The following ADGRE1 variants were observed in gnomAD, a reference collection of about 807,000 sequenced individuals.
ADGRE1 encodes EGF-like module receptor 1.
In ADGRE1, 82 loss-of-function variants were observed where a neutral mutation model predicts 102.7. The ratio of observed to expected loss-of-function variants is 0.80; its 90% CI spans 0.67 to 0.96. The LOEUF is 0.96. ADGRE1 is among the 40% of genes least tolerant of loss of function. The probability of loss-of-function intolerance (pLI) is 0.00; values close to 1 mark genes in which losing one functional copy is unlikely to be tolerated. For synonymous variants in ADGRE1, 398 were observed against 399.6 expected, an observed-to-expected ratio of 1.00 and a Z score of 0.05; for missense variants, 1,032 against 1,085.3, an observed-to-expected ratio of 0.95 and a Z score of 0.69.
At position 6,904,051 on chromosome 19, in the gene ADGRE1, G is replaced by A. The variant is rs528274667; in HGVS notation, c.818G>A (p.Arg273His). The A allele has an allele frequency of 2.1e-4, 345 of 1,614,094 alleles. 3 individuals carry two copies. In the South Asian group the frequency reaches 2.5e-3, roughly 12 times the overall value. Reference protein sequence around the residue: ...GVECRDIDECRQDPSTCGPNS... With the variant: ...GVECRDIDECHQDPSTCGPNS... ...TTCTTTGCAGATATTGATGAGTGCC[G>A]CCAAGATCCATCAACCTGTGGTCCT... The change falls in exon 8 of 21, where the codon CGC (arginine) becomes CAC (histidine). Residue 273 changes from arginine (R) to histidine (H), a missense_variant. Arg to His is a conservative substitution (Grantham distance 29). Transcript: ENST00000312053.
In ADGRE1 at chr19:6,919,705, C is replaced by G. The variant is rs370243250; in HGVS notation, c.1578C>G (p.Asp526Glu). The change falls in exon 13 of 21, where the codon GAC (aspartate) becomes GAG (glutamate). Residue 526 changes from aspartate to glutamate, a missense_variant. Coordinates refer to ENST00000312053, the MANE Select transcript of ADGRE1 (RefSeq NM_001974.5). Reference sequence around the variant, plus strand: ...GCATAATGACTGGAGAGAAGAAAGACGGCTTCTCAGATCCAATCATCTACA... The same window carrying G: ...GCATAATGACTGGAGAGAAGAAAGAGGGCTTCTCAGATCCAATCATCTACA... Reference protein sequence around the residue: ...VGGIMTGEKKDGFSDPIIYTL... With the variant: ...VGGIMTGEKKEGFSDPIIYTL... The G allele has an allele frequency of 6.2e-7, 1 of 1,613,134 alleles. No individual in the cohort carries two copies.
At chr19:6,933,059 G>A (rs12975708) in intron 17 of ADGRE1, among the ~76,000 whole-genome samples, 79,419 of 151,552 alleles carry the variant, frequency 0.52, 22,705 homozygotes, top group African/African-American at 0.75. Context: ...CATCTCTACT[G>A]AAAATACAAA....
At chr19:6,922,922 A>G (rs1227322325) in intron 14 of ADGRE1, among the ~76,000 whole-genome samples, 1 of 151,514 alleles carries the variant, frequency 6.6e-6, no homozygotes. Context: ...CTAAAAATAC[A>G]AAAAATTAGC....
At chr19:6,913,955 AC>A in intron 11 of ADGRE1, 125 bp downstream of exon 11, 1 of 1,089,290 alleles carries the variant, frequency 9.2e-7, no homozygotes, top group South Asian at 1.8e-5. Flanking sequence ...CTTTGAATTC[AC>A]AGCAAAGCAA....
rs376188086 is a variant in ADGRE1, at chr19:6,891,563, C to T, written c.94+1020C>T. ...CCGCCTTCCAGGTTCACGCCATTCT[C>T]CTGCCTCAGCCTCCCGAGTAGCTGG... On this transcript the variant is annotated intron_variant, in intron 2 of 20. Transcript: ENST00000312053. Among the ~76,000 whole-genome samples, 10 of 151,756 alleles carry T rather than the reference C, an allele frequency of 6.6e-5. No homozygotes were observed. The East Asian group carries it at 1.9e-3, about 29-fold the overall frequency.
At chr19:6,905,558 G>C (rs978526078) in intron 8 of ADGRE1, among the ~76,000 whole-genome samples, 20 of 151,732 alleles carry the variant, frequency 1.3e-4, no homozygotes, top group Admixed American at 1.0e-3. Flanking sequence ...TCACCATGTT[G>C]GCCAAGCTGT....
intron 17 of ADGRE1, among the ~76,000 whole-genome samples, chr19:6,929,029 T>C (rs1277090358): frequency 1.3e-5 from 2 of 152,204 alleles, no homozygotes; most frequent in Non-Finnish European, 2.9e-5. Context: ...GGAATTTTGT[T>C]TTTCCTTCTG....
intron 17 of ADGRE1, among the ~76,000 whole-genome samples, chr19:6,930,435 A>G (rs1809199017): frequency 6.6e-6 from 1 of 151,830 alleles, no homozygotes; most frequent in Admixed American, 6.6e-5. Context: ...TCGAGGATTA[A>G]ATTTTTTTTT....
chr19:6,904,139 C>T lies in ADGRE1; in HGVS notation c.906C>T (p.Pro302=), dbSNP rs1462329545. The change falls in exon 8 of 21, where the codon CCC becomes CCT. Residue 302 remains proline, a synonymous_variant. Transcript: ENST00000312053. ...YSCGCIAGFH[P]NPEGSQKDGN... ...GTGGCTGCATTGCAGGCTTTCATCC[C>T]AATCCAGAAGGCTCCCAGAAAGATG... 3.7e-6 allele frequency: 6 copies of T among 1,614,190 alleles called. No individual in the cohort carries two copies. Among genetic ancestry groups the T allele is most frequent in the Non-Finnish European group, 5.1e-6 (6 of 1,180,038 alleles).
intron 12 of ADGRE1, among the ~76,000 whole-genome samples, chr19:6,918,562 A>T (rs943451195): frequency 6.6e-6 from 1 of 152,178 alleles, no homozygotes; most frequent in Non-Finnish European, 1.5e-5. Flanking sequence ...CATAGGACGT[A>T]TCCCTGGAGA....
chr19:6,924,256 C>T (rs1460778859), intron 14 of ADGRE1, among the ~76,000 whole-genome samples: 4 of 152,030 alleles, frequency 2.6e-5, no homozygotes, highest in Admixed American at 2.6e-4. Context: ...TTTGCCACCC[C>T]ACTCCACCAT....
intron 2 of ADGRE1, chr19:6,895,619 C>T (rs960609663): frequency 6.6e-6 from 1 of 152,094 alleles, no homozygotes; most frequent in Non-Finnish European, 1.5e-5. Context: ...CCTGATTTTC[C>T]AAGATGTTCT....
chr19:6,909,722 GTTTGT>G (rs1408186268), intron 10 of ADGRE1, among the ~76,000 whole-genome samples: 1 of 151,738 alleles, frequency 6.6e-6, no homozygotes, highest in Non-Finnish European at 1.5e-5. Flanking sequence ...TTTTTTGTTT[GTTTGT>G]TTTGTTTTGT....
At chr19:6,929,418 C>G (rs1024375808) in intron 17 of ADGRE1, among the ~76,000 whole-genome samples, 2 of 152,264 alleles carry the variant, frequency 1.3e-5, no homozygotes, top group Non-Finnish European at 2.9e-5. Context: ...GCCACCCACC[C>G]TGATCTTTTA....
chr19:6,919,440 C>G (rs1273804471), intron 12 of ADGRE1, 108 bp from the exon 13 acceptor site: 17 of 524,922 alleles, frequency 3.2e-5, no homozygotes, highest in Non-Finnish European at 4.9e-5. Context: ...CCCTCCCTCC[C>G]TCTGTGTGTG....
rs1973857800 is a variant in ADGRE1, at chr19:6,903,928, A to C, written c.780A>C (p.Thr260=). 1 of 1,614,232 alleles carries C rather than the reference A, an allele frequency of 6.2e-7. No individual in the cohort carries two copies. Among genetic ancestry groups the C allele is most frequent in the Non-Finnish European group, 8.5e-7 (1 of 1,180,040 alleles). ...CAAGCAATGGACAGTTGAATTTCAC[A>C]GACCAAGGAGTGGAATGTAGAGGTG... is the stretch of plus-strand genomic sequence containing the variant. ...FAPSNGQLNF[T]DQGVECRDID... The change falls in exon 7 of 21, where the codon ACA becomes ACC. Residue 260 remains threonine, a synonymous_variant. Coordinates refer to ENST00000312053, the MANE Select transcript of ADGRE1 (RefSeq NM_001974.5).
At chr19:6,927,327 T>C in intron 16 of ADGRE1, among the ~76,000 whole-genome samples, 2 of 148,630 alleles carry the variant, frequency 1.3e-5, no homozygotes, top group Non-Finnish European at 3.0e-5. Flanking sequence ...CTCCCTTCTT[T>C]CCTTCTTTCC....
chr19:6,887,923 T>C lies in ADGRE1; in HGVS notation c.31+284T>C, dbSNP rs115512169. Among the ~76,000 whole-genome samples the C allele has an allele frequency of 3.1e-3, 468 of 152,278 alleles. 1 individual carries two copies. The highest frequency in any genetic ancestry group is 0.011 in the African/African-American group (443 of 41,548). On this transcript the variant is annotated intron_variant, in intron 1 of 20. Transcript: ENST00000312053. ...ATAGCAGTGAGAAAAAAAGACTAAG[T>C]TCCTGCACTCTTGAGGCTGATATTC...
At chr19:6,938,790 TTTC>T (rs1334696850) in intron 20 of ADGRE1, among the ~76,000 whole-genome samples, 1 of 139,344 alleles carries the variant, frequency 7.2e-6, no homozygotes, top group African/African-American at 2.8e-5. Context: ...TCTTTCTTTC[TTTC>T]TTTTTTTCTT....
Sources: allele counts gnomAD v4.1 joint callset (sites outside exome capture counted in the v4.1 genomes callset), GRCh38; gene constraint gnomAD v4.1.1; transcripts MANE v1.5; gene names NCBI Gene and HGNC (gene_info 2026-07-23, HGNC 2026-07-21).